Variants in MIS18A observed in about 807,000 individuals in gnomAD.
MIS18A encodes protein Mis18-alpha.
Under a neutral mutation model 25.0 loss-of-function variants are expected in MIS18A, and 14 were observed. The ratio of observed to expected loss-of-function variants is 0.56; its 90% CI spans 0.37 to 0.88. The LOEUF is 0.88. Among genes scored for constraint, MIS18A ranks in the 40% least tolerant of loss-of-function variants. The pLI is 0.00. For synonymous variants in MIS18A, 134 were observed against 118.6 expected, an observed-to-expected ratio of 1.13 and a Z score of -0.84; for missense variants, 292 against 290.8, an observed-to-expected ratio of 1.00 and a Z score of -0.03.
chr21:32,185,425 G>C, the MIS18A span, among the ~76,000 whole-genome samples: 2 of 152,138 alleles, frequency 1.3e-5, no homozygotes, highest in Non-Finnish European at 2.9e-5. Context: ...GAGGCCTGTG[G>C]TGCTCCCATG....
chr21:32,176,213 T>C, the MIS18A span, among the ~76,000 whole-genome samples: 3 of 152,234 alleles, frequency 2.0e-5, no homozygotes, highest in Non-Finnish European at 4.4e-5. Flanking sequence ...AGTTGTTTAT[T>C]ATCATTATCG....
the MIS18A span, among the ~76,000 whole-genome samples, chr21:32,179,621 C>T: frequency 1.3e-5 from 2 of 152,194 alleles, no homozygotes; most frequent in African/African-American, 2.4e-5. Flanking sequence ...ATTCATTTTT[C>T]ATCTATTTTA....
the MIS18A span, among the ~76,000 whole-genome samples, chr21:32,228,928 G>GA: frequency 4.0e-5 from 6 of 151,862 alleles, no homozygotes; most frequent in African/African-American, 1.2e-4. Flanking sequence ...GCTGGATTAT[G>GA]AAAAAAAATC....
At chr21:32,178,882 T>C in the MIS18A span, among the ~76,000 whole-genome samples, 5 of 152,180 alleles carry the variant, frequency 3.3e-5, no homozygotes, top group African/African-American at 1.2e-4. Flanking sequence ...CTTTCTTCTT[T>C]TATCCTTTAT....
At chr21:32,203,866 A>C in the MIS18A span, among the ~76,000 whole-genome samples, 1 of 151,948 alleles carries the variant, frequency 6.6e-6, no homozygotes, top group African/African-American at 2.4e-5. Context: ...TAATCTGCTG[A>C]CCTCAGCCTC....
At chr21:32,238,839 A>C in the MIS18A span, among the ~76,000 whole-genome samples, 1 of 152,182 alleles carries the variant, frequency 6.6e-6, no homozygotes, top group Non-Finnish European at 1.5e-5. Flanking sequence ...GGGAACCATG[A>C]ATAGAGGAAA....
At chr21:32,193,623 TC>T in the MIS18A span, among the ~76,000 whole-genome samples, 8 of 152,328 alleles carry the variant, frequency 5.3e-5, no homozygotes, top group African/African-American at 1.9e-4. Flanking sequence ...GGTTTCTGTT[TC>T]ATTTTTGCCC....
At chr21:32,183,808 T>A in the MIS18A span, among the ~76,000 whole-genome samples, 1 of 152,172 alleles carries the variant, frequency 6.6e-6, no homozygotes, top group African/African-American at 2.4e-5. Flanking sequence ...AAAACCCACA[T>A]CTACCCTTTA....
At chr21:32,265,650 C>T (rs531328936), downstream of MIS18A, among the ~76,000 whole-genome samples, 7 of 152,276 alleles carry the variant, frequency 4.6e-5, no homozygotes, top group South Asian at 1.2e-3. Flanking sequence ...CGAGCCTCCC[C>T]GACGAGCACC....
chr21:32,246,107 G>T, the MIS18A span, among the ~76,000 whole-genome samples: 1 of 152,170 alleles, frequency 6.6e-6, no homozygotes, highest in Non-Finnish European at 1.5e-5. Context: ...ACTCGCTCTG[G>T]TGAGGACAGT....
At chr21:32,176,804 T>G in the MIS18A span, among the ~76,000 whole-genome samples, 1 of 110,614 alleles carries the variant, frequency 9.0e-6, no homozygotes, top group Non-Finnish European at 1.8e-5. Flanking sequence ...AAAAATCAAG[T>G]GAAAAAAAAA....
the MIS18A span, among the ~76,000 whole-genome samples, chr21:32,218,790 G>A: frequency 3.5e-3 from 538 of 152,186 alleles, 1 homozygote; most frequent in Non-Finnish European, 5.9e-3. Context: ...AACTAATATC[G>A]AAATGGTAGA....
chr21:32,158,063 T>C, the MIS18A span, among the ~76,000 whole-genome samples: 4 of 152,210 alleles, frequency 2.6e-5, no homozygotes, highest in Non-Finnish European at 5.9e-5. Flanking sequence ...TTAAGTTACT[T>C]GATTAGAGCT....
chr21:32,253,144 T>C, the MIS18A span, among the ~76,000 whole-genome samples: 3 of 151,338 alleles, frequency 2.0e-5, no homozygotes, highest in African/African-American at 7.3e-5. Flanking sequence ...TAGAACACCA[T>C]GCAGATGGTG....
chr21:32,173,925 A>C, the MIS18A span, among the ~76,000 whole-genome samples: 2 of 146,538 alleles, frequency 1.4e-5, no homozygotes, highest in Admixed American at 6.8e-5. Flanking sequence ...CTGTATGTGC[A>C]TTATATGTCA....
chr21:32,258,185 A>T, the MIS18A span, among the ~76,000 whole-genome samples: 31 of 152,310 alleles, frequency 2.0e-4, no homozygotes, highest in African/African-American at 6.7e-4. Flanking sequence ...TTTAGTAACA[A>T]ATCTGAGTCA....
the MIS18A span, among the ~76,000 whole-genome samples, chr21:32,176,196 A>G: frequency 6.6e-6 from 1 of 152,236 alleles, no homozygotes; most frequent in Non-Finnish European, 1.5e-5. Context: ...ACATAAACTA[A>G]TAACATAGTT....
the MIS18A span, among the ~76,000 whole-genome samples, chr21:32,255,351 G>C: frequency 0.47 from 71,431 of 151,280 alleles, 18,817 homozygotes; most frequent in African/African-American, 0.72. Context: ...CTGCCTCAGC[G>C]TCCTGAGTAG....
At chr21:32,185,578 T>G in the MIS18A span, among the ~76,000 whole-genome samples, 1 of 152,166 alleles carries the variant, frequency 6.6e-6, no homozygotes, top group African/African-American at 2.4e-5. Flanking sequence ...ATATTCCTTT[T>G]GATTCATTCT....
Sources: allele counts gnomAD v4.1 joint callset (sites outside exome capture counted in the v4.1 genomes callset), GRCh38; gene constraint gnomAD v4.1.1; transcripts MANE v1.5; gene names NCBI Gene and HGNC (gene_info 2026-07-23, HGNC 2026-07-21).